The following CALN1 variants were observed in gnomAD, a reference collection of about 807,000 sequenced individuals.
The protein encoded by CALN1 is calcium-binding protein 8.
In CALN1, 17 loss-of-function variants were observed where a neutral mutation model predicts 30.6. That is an observed-to-expected ratio of 0.56 (90% CI 0.38 to 0.83). The LOEUF (loss-of-function observed/expected upper bound fraction) is 0.83. CALN1 is among the 40% of genes least tolerant of loss of function. The probability of loss-of-function intolerance (pLI) is 0.00; values close to 1 mark genes in which losing one functional copy is unlikely to be tolerated. For missense variants in CALN1, 291 were observed against 354.9 expected (o/e 0.82, Z 1.45); for synonymous variants, 156 against 131.4 (o/e 1.19, Z -1.28).
chr7:71,864,492 GAACT>G (rs1260970823), intron 5 of CALN1, among the ~76,000 whole-genome samples: 1 of 152,136 alleles, frequency 6.6e-6, no homozygotes, highest in Non-Finnish European at 1.5e-5. Context: ...GAGCCACGAG[GAACT>G]GAATTCTGAC....
chr7:72,114,546 T>C (rs1807830074), intron 3 of CALN1, among the ~76,000 whole-genome samples: 1 of 151,832 alleles, frequency 6.6e-6, no homozygotes, highest in African/African-American at 2.4e-5. Context: ...GCATAGAAAA[T>C]GCTGGTTTAA....
At chr7:71,892,467 G>A (rs1049307891) in intron 5 of CALN1, among the ~76,000 whole-genome samples, 3 of 152,102 alleles carry the variant, frequency 2.0e-5, no homozygotes, top group Non-Finnish European at 2.9e-5. Context: ...GCGAAAGCCC[G>A]TCTCTACTAA....
chr7:72,292,626 G>A (rs887338507), intron 2 of CALN1, among the ~76,000 whole-genome samples: 1 of 151,386 alleles, frequency 6.6e-6, no homozygotes, highest in East Asian at 2.0e-4. Context: ...TTCGAGACCA[G>A]CCTGGCCAAC....
At chr7:72,371,435 T>C (rs1467541677) in intron 2 of CALN1, among the ~76,000 whole-genome samples, 2 of 152,144 alleles carry the variant, frequency 1.3e-5, no homozygotes, top group African/African-American at 2.4e-5. Flanking sequence ...GTTCCCATGA[T>C]AGTGAGTTCT....
intron 3 of CALN1, among the ~76,000 whole-genome samples, chr7:72,249,976 A>G (rs1395071204): frequency 6.6e-6 from 1 of 150,644 alleles, no homozygotes; most frequent in Non-Finnish European, 1.5e-5. Context: ...AGAGAGAGAG[A>G]GAGAAATAGA....
intron 2 of CALN1, among the ~76,000 whole-genome samples, chr7:72,311,869 T>C (rs74814016): frequency 0.015 from 2,203 of 151,648 alleles, 68 homozygotes; most frequent in African/African-American, 0.051. Flanking sequence ...GCTCAGACTT[T>C]GAAGAAAAAT....
chr7:71,885,221 G>A (rs568782505), intron 5 of CALN1, among the ~76,000 whole-genome samples: 2 of 151,690 alleles, frequency 1.3e-5, no homozygotes, highest in East Asian at 1.9e-4. Context: ...GTGTGATCTC[G>A]GCTCACTGCA....
chr7:71,946,367 CTTTTT>C (rs34207419), intron 5 of CALN1, among the ~76,000 whole-genome samples: 5 of 128,654 alleles, frequency 3.9e-5, no homozygotes, highest in Admixed American at 8.3e-5. Context: ...TTCTTTCTTT[CTTTTT>C]TTTTTTTTTT....
chr7:72,500,253 C>A, the CALN1 span, among the ~76,000 whole-genome samples: 2 of 121,248 alleles, frequency 1.6e-5, no homozygotes, highest in Non-Finnish European at 3.4e-5. Flanking sequence ...GTCTCATGAA[C>A]TTCTGTTCGT....
chr7:72,434,356 A>G (rs1316437175), intron 1 of CALN1, among the ~76,000 whole-genome samples: 1 of 151,058 alleles, frequency 6.6e-6, no homozygotes, highest in Non-Finnish European at 1.5e-5. Context: ...ACCAAAAAAA[A>G]AAAAAACAAA....
intron 3 of CALN1, among the ~76,000 whole-genome samples, chr7:72,151,588 G>T (rs1398143111): frequency 6.6e-6 from 1 of 152,094 alleles, no homozygotes; most frequent in African/African-American, 2.4e-5. Context: ...CCCACTTGGG[G>T]GACCCTTTCC....
intron 1 of CALN1, among the ~76,000 whole-genome samples, chr7:72,438,551 A>C (rs1453417476): frequency 6.6e-6 from 1 of 152,168 alleles, no homozygotes; most frequent in Non-Finnish European, 1.5e-5. Context: ...CTCCCTTCCC[A>C]TGAGAATAGA....
At chr7:72,242,932 A>G (rs1585248036) in intron 3 of CALN1, among the ~76,000 whole-genome samples, 1 of 152,218 alleles carries the variant, frequency 6.6e-6, no homozygotes, top group Non-Finnish European at 1.5e-5. Context: ...CTGGCTTTTA[A>G]TTATTGCCAG....
intron 1 of CALN1, among the ~76,000 whole-genome samples, chr7:72,424,719 C>A (rs1014176520): frequency 7.9e-5 from 12 of 152,218 alleles, no homozygotes; most frequent in African/African-American, 2.6e-4. Context: ...ACCTTAGCCT[C>A]CCCAGTAGCT....
intron 5 of CALN1, among the ~76,000 whole-genome samples, chr7:71,958,455 C>T (rs945930765): frequency 4.6e-5 from 7 of 152,140 alleles, no homozygotes; most frequent in African/African-American, 1.4e-4. Flanking sequence ...GTGTAGTCTT[C>T]CTATCTGTCA....
chr7:72,179,814 T>C (rs545155299), intron 3 of CALN1, among the ~76,000 whole-genome samples: 86 of 152,324 alleles, frequency 5.6e-4, no homozygotes, highest in African/African-American at 2.1e-3. Flanking sequence ...AATGCACATC[T>C]ATTAAAAAAA....
At chr7:72,223,030 A>C (rs1364156203) in intron 3 of CALN1, among the ~76,000 whole-genome samples, 2 of 152,296 alleles carry the variant, frequency 1.3e-5, no homozygotes. Flanking sequence ...CTAAAAATCA[A>C]TGAAAAAAGA....
intron 4 of CALN1, among the ~76,000 whole-genome samples, chr7:72,055,864 A>T (rs1012787847): frequency 2.0e-5 from 3 of 152,010 alleles, no homozygotes. Flanking sequence ...ACAAAAAAAT[A>T]AAAAAAATTA....
chr7:72,116,825 T>C (rs1453216796), intron 3 of CALN1, among the ~76,000 whole-genome samples: 1 of 152,120 alleles, frequency 6.6e-6, no homozygotes. Context: ...TGAGCCAATA[T>C]GAATAACCAT....
Sources: gnomAD v4.1 joint callset for allele counts (sites outside exome capture counted in the v4.1 genomes callset) on GRCh38, gnomAD v4.1.1 for gene constraint, MANE v1.5 for transcripts, NCBI Gene and HGNC (gene_info 2026-07-23, HGNC 2026-07-21) for gene names.